The following PSG5 variants were observed in gnomAD, a reference collection of about 807,000 sequenced individuals.
The protein encoded by PSG5 is pregnancy-specific beta-1-glycoprotein 5.
PSG5 carries 53 observed loss-of-function variants against 37.7 expected under a neutral mutation model. The ratio of observed to expected loss-of-function variants is 1.41; its 90% confidence interval spans 1.13 to 1.77. PSG5 has a LOEUF of 1.77. Among genes scored for constraint, PSG5 ranks in the 40% most tolerant of loss-of-function variants. PSG5 has a pLI of 0.00. For missense variants in PSG5, 547 were observed against 405.2 expected, an observed-to-expected ratio of 1.35 and a Z score of -3.00; for synonymous variants, 221 against 155.4, an observed-to-expected ratio of 1.42 and a Z score of -3.14.
chr19:43,185,160 G>T lies in PSG5; in HGVS notation c.65-13C>A, dbSNP rs747499629. ...TTTAAAAGTGATGCTAGGAGGTGGA[G>T]AAAGCACCAGTCAATATTGAGACCT... On this transcript the variant is annotated splice_polypyrimidine_tract_variant and intron_variant, in intron 1 of 5. Transcript: ENST00000342951. The T allele has an allele frequency of 1.9e-6, 3 of 1,587,616 alleles. No homozygotes were observed. Among genetic ancestry groups the T allele is most frequent in the Non-Finnish European group, 2.6e-6 (3 of 1,166,336 alleles).
At chr19:43,178,260 T>A (rs1969052900) in intron 2 of PSG5, among the ~76,000 whole-genome samples, 1 of 151,638 alleles carries the variant, frequency 6.6e-6, no homozygotes, top group Non-Finnish European at 1.5e-5. Flanking sequence ...TGAGATTTGT[T>A]CCATCAGTGG....
At chr19:43,183,591 T>G in intron 2 of PSG5, 1 of 399,530 alleles carries the variant, frequency 2.5e-6, no homozygotes, top group South Asian at 1.9e-5. Context: ...GGGGGAGGCC[T>G]GGACATATTT....
At position 43,184,985 on chromosome 19, in the gene PSG5, T is replaced by C. The variant is rs1310169873; in HGVS notation, c.227A>G (p.Tyr76Cys). Residue 76 changes from tyrosine to cysteine, a missense_variant, in exon 2 of 6, where the codon TAC becomes TGC. By Grantham distance (194) the Tyr-to-Cys change is radical. Coordinates refer to ENST00000342951, the MANE Select transcript of PSG5 (RefSeq NM_002781.4). The part of the protein sequence containing the change: ...IWYKGQLMDL[Y>C]HYITSYVVDG... ...TACTACATATGATGTAATGTAATGG[T>C]AGAGGTCCATCAGTTGTCCTTTGTA... is the stretch of plus-strand genomic sequence containing the variant. The C allele has an allele frequency of 1.9e-6, 3 of 1,612,398 alleles. No individual in the cohort carries two copies. Among genetic ancestry groups the C allele is most frequent in the African/African-American group, 2.7e-5 (2 of 74,496 alleles).
At chr19:43,183,848 G>A (rs1413188510) in intron 2 of PSG5, among the ~76,000 whole-genome samples, 1 of 151,526 alleles carries the variant, frequency 6.6e-6, no homozygotes, top group Admixed American at 6.6e-5. Context: ...CTCTGGTTCA[G>A]TGACTGTGCC....
At chr19:43,179,714 A>C (rs1357358453) in intron 2 of PSG5, among the ~76,000 whole-genome samples, 1 of 151,740 alleles carries the variant, frequency 6.6e-6, no homozygotes, top group Non-Finnish European at 1.5e-5. Flanking sequence ...AGGTCAGTTC[A>C]GTCATCAGGC....
rs569072004 is a variant in PSG5, at chr19:43,175,350, C to T, written c.829G>A (p.Gly277Arg). ...TTTTGTCCTGATTGCTGAAACTTCC[C>T]ATTAATTGTCCAAAAATACTCTGCC... ...PPAEYFWTIN[G>R]KFQQSGQKLS... The change falls in exon 4 of 6, where the codon GGG (glycine) becomes AGG (arginine). Residue 277 changes from glycine to arginine, a missense_variant. Coordinates refer to ENST00000342951, the MANE Select transcript of PSG5 (RefSeq NM_002781.4). 3.5e-5 allele frequency: 56 copies of T among 1,612,782 alleles called. 1 individual carries two copies. In the African/African-American group the frequency reaches 7.4e-4, roughly 21 times the overall value.
intron 2 of PSG5, among the ~76,000 whole-genome samples, chr19:43,177,538 C>A (rs903435764): frequency 6.6e-5 from 10 of 150,654 alleles, no homozygotes; most frequent in African/African-American, 2.5e-4. Flanking sequence ...ACGTTTCTAC[C>A]ATGGTGATTA....
intron 2 of PSG5, among the ~76,000 whole-genome samples, chr19:43,181,173 C>T (rs1014735942): frequency 1.3e-5 from 2 of 151,610 alleles, no homozygotes; most frequent in African/African-American, 4.9e-5. Context: ...TTAGATAGCA[C>T]ACACCTGGCC....
chr19:43,177,459 A>G (rs940558728), intron 2 of PSG5, among the ~76,000 whole-genome samples: 9 of 151,316 alleles, frequency 5.9e-5, no homozygotes, highest in African/African-American at 2.2e-4. Flanking sequence ...TTTCAGCATC[A>G]GATTAGTGGG....
chr19:43,183,487 A>G (rs769961446), intron 2 of PSG5: 2 of 528,768 alleles, frequency 3.8e-6, no homozygotes, highest in African/African-American at 3.9e-5. Context: ...TGGGGAAAGA[A>G]AACAAAGTCC....
chr19:43,176,262 GC>G lies in PSG5; in HGVS notation c.431-115del, dbSNP rs1376579369. ...TGTCAACCCACCAGAGTCCTTGAAA[GC>G]CAGTAGCTGATGCATGTGTCACAAG... is the stretch of plus-strand genomic sequence containing the variant. On this transcript the variant is annotated intron_variant, in intron 2 of 5. Coordinates refer to ENST00000342951, the MANE Select transcript of PSG5 (RefSeq NM_002781.4). The G allele has an allele frequency of 8.7e-6, 13 of 1,501,384 alleles. No homozygotes were observed. In the East Asian group the frequency reaches 2.7e-4, roughly 31 times the overall value. 93.0% of individuals were successfully genotyped at this position (1,501,384 alleles called of 1,614,324 possible).
At position 43,185,740 on chromosome 19, in the gene PSG5, T is replaced by C. The variant is rs1214781652; in HGVS notation, c.65-593A>G. On this transcript the variant is annotated intron_variant, in intron 1 of 5. Transcript: ENST00000342951. ...CAGGGCCCTCCACACCCTTGGTGTT[T>C]TATTTTCCCCCAATTGTTGAGGATT... Among the ~76,000 whole-genome samples the C allele has an allele frequency of 5.9e-5, 9 of 151,760 alleles. 1 individual carries two copies. Among genetic ancestry groups the C allele is most frequent in the African/African-American group, 1.7e-4 (7 of 41,270 alleles).
Position 43,184,835 on chromosome 19 carries a change from T to A in PSG5, c.377A>T (p.Lys126Met), listed in dbSNP as rs747297370. ...TACTCCTCTAGTCCTATCACCTCGC[T>A]TTATGATGTGTAAGGTGTAGGATCC... ...DAGSYTLHII[K>M]RGDRTRGVTG... is the part of the protein sequence containing the mutation. The change falls in exon 2 of 6, where the codon AAG (lysine) becomes ATG (methionine). Residue 126 changes from lysine (K) to methionine (M), a missense_variant. Physicochemically the swap from Lys to Met is moderately conservative, Grantham distance 95. Coordinates refer to ENST00000342951, the MANE Select transcript of PSG5 (RefSeq NM_002781.4). 17 of 1,612,328 alleles carry A rather than the reference T, an allele frequency of 1.1e-5. No individual in the cohort carries two copies. The South Asian group carries it at 1.8e-4, about 17-fold the overall frequency.
At chr19:43,178,535 G>T (rs2355441) in intron 2 of PSG5, among the ~76,000 whole-genome samples, 1 of 151,520 alleles carries the variant, frequency 6.6e-6, no homozygotes. Context: ...GGAAAATCCT[G>T]GTCTGTGGAA....
At chr19:43,181,342 A>C (rs1297576579) in intron 2 of PSG5, among the ~76,000 whole-genome samples, 1 of 151,688 alleles carries the variant, frequency 6.6e-6, no homozygotes, top group East Asian at 1.9e-4. Context: ...CCCCACTCTT[A>C]TTGAACTTTC....
At chr19:43,182,890 A>G (rs1969160122) in intron 2 of PSG5, among the ~76,000 whole-genome samples, 1 of 147,408 alleles carries the variant, frequency 6.8e-6, no homozygotes, top group African/African-American at 2.5e-5. Context: ...TTGGCTCGAG[A>G]TGAAGCCTGG....
rs540793160 is a variant in PSG5, at chr19:43,179,365, G to A, written c.431-3217C>T. ...CCTGCTTTATGTGGGAGAAGTACAG[G>A]CTTTCTCAAGTGTGAATTGAGCAGC... On this transcript the variant is annotated intron_variant, in intron 2 of 5. Coordinates refer to ENST00000342951, the MANE Select transcript of PSG5 (RefSeq NM_002781.4). 1.7e-3 allele frequency among the ~76,000 whole-genome samples: 263 copies of A among 151,680 alleles called. 4 individuals are homozygous for A. The highest frequency in any genetic ancestry group is 5.9e-3 in the African/African-American group (245 of 41,218).
chr19:43,184,962 C>A lies in PSG5; in HGVS notation c.250G>T (p.Val84Leu), dbSNP rs1029971222. Residue 84 changes from valine (V) to leucine (L), a missense_variant, in exon 2 of 6, where the codon GTA becomes TTA. By Grantham distance (32) the Val-to-Leu change is conservative. Coordinates refer to ENST00000342951, the MANE Select transcript of PSG5 (RefSeq NM_002781.4). ...DLYHYITSYV[V>L]DGQINIYGPA... ...CCATATATATTTATTTGACCGTCTA[C>A]TACATATGATGTAATGTAATGGTAG... is the stretch of plus-strand genomic sequence containing the variant. The A allele has an allele frequency of 2.5e-6, 4 of 1,612,344 alleles. No individual in the cohort carries two copies. Among genetic ancestry groups the A allele is most frequent in the Non-Finnish European group, 3.4e-6 (4 of 1,178,994 alleles).
At chr19:43,178,316 A>T (rs1335002909) in intron 2 of PSG5, among the ~76,000 whole-genome samples, 2 of 151,470 alleles carry the variant, frequency 1.3e-5, no homozygotes, top group African/African-American at 4.9e-5. Context: ...TGTTTTGGTG[A>T]TTTGGGGAAT....
Sources: gnomAD v4.1 joint callset for allele counts (sites outside exome capture counted in the v4.1 genomes callset) on GRCh38, gnomAD v4.1.1 for gene constraint, MANE v1.5 for transcripts, NCBI Gene and HGNC (gene_info 2026-07-23, HGNC 2026-07-21) for gene names.